Variants in RFT1 observed in about 807,000 individuals in gnomAD.
RFT1 encodes man(5)GlcNAc(2)-PP-dolichol translocation protein RFT1.
RFT1 carries 43 observed loss-of-function variants against 62.2 expected under a neutral mutation model. The observed-to-expected ratio is 0.69, with a 90% confidence interval of 0.54 to 0.89. The LOEUF is 0.89. Ranked by LOEUF, RFT1 falls within the 40% of genes least tolerant of loss-of-function variation. The probability of loss-of-function intolerance (pLI) is 0.00; values close to 1 mark genes in which losing one functional copy is unlikely to be tolerated. For missense variants in RFT1, 605 were observed against 649.9 expected (o/e 0.93, Z 0.75); for synonymous variants, 262 against 264.6 (o/e 0.99, Z 0.10).
chr3:53,109,745 G>C (rs557544845), intron 7 of RFT1, among the ~76,000 whole-genome samples: 1 of 152,214 alleles, frequency 6.6e-6, no homozygotes, highest in African/African-American at 2.4e-5. Flanking sequence ...GAGCCCGAGA[G>C]GTCAAGGCTG....
rs201430920 is a variant in RFT1 at position 53,105,739 on chromosome 3, C to T, written c.891G>A (p.Glu297=). 6.2e-7 allele frequency: 1 copy of T among 1,613,930 alleles called. No homozygotes were observed. Among genetic ancestry groups the T allele is most frequent in the East Asian group, 2.2e-5 (1 of 44,860 alleles). Residue 297 remains glutamate, a synonymous_variant, in exon 9 of 13, where the codon GAG becomes GAA. Coordinates refer to ENST00000296292, the MANE Select transcript of RFT1 (RefSeq NM_052859.4). ...LVARLIFQPI[E]ESFYIFFAKV... ...TAGCAAAAAATATATAAAAACTTTC[C>T]TCTATTGGCTGGAAAATTAATCTGG...
chr3:53,110,843 T>G (rs1181524968), intron 7 of RFT1, among the ~76,000 whole-genome samples: 1 of 152,230 alleles, frequency 6.6e-6, no homozygotes, highest in Non-Finnish European at 1.5e-5. Context: ...AACTACTACC[T>G]TCAGCAACTT....
At chr3:53,122,291 T>A in intron 4 of RFT1, 83 bp downstream of exon 4, 1 of 1,283,286 alleles carries the variant, frequency 7.8e-7, no homozygotes, top group Non-Finnish European at 1.1e-6. Flanking sequence ...AAATCATTCA[T>A]TCTCTCCTAT....
chr3:53,078,088 G>C, the RFT1 span: 1 of 152,286 alleles, frequency 6.6e-6, no homozygotes, highest in African/African-American at 2.4e-5. Context: ...GGGGCTGAGA[G>C]GCGGTGAAGT....
intron 12 of RFT1, 49 bp from the exon 13 acceptor site, chr3:53,092,119 T>C (rs1701007165): frequency 5.6e-6 from 9 of 1,608,990 alleles, no homozygotes; most frequent in Non-Finnish European, 7.6e-6. Context: ...CTATACCTCC[T>C]TCCTCTGGGA....
chr3:53,128,385 TC>T (rs1702171196), intron 1 of RFT1, among the ~76,000 whole-genome samples: 2 of 152,228 alleles, frequency 1.3e-5, no homozygotes, highest in Admixed American at 1.3e-4. Flanking sequence ...CCAGGCCATA[TC>T]CATGTCTCCT....
chr3:53,128,795 G>A (rs376898280), intron 1 of RFT1, among the ~76,000 whole-genome samples: 1 of 152,352 alleles, frequency 6.6e-6, no homozygotes, highest in Non-Finnish European at 1.5e-5. Flanking sequence ...ACAGGCATGA[G>A]CCACCGCGTC....
chr3:53,111,979 G>C (rs1701666671), intron 6 of RFT1, 71 bp from the exon 7 acceptor site: 2 of 1,197,820 alleles, frequency 1.7e-6, no homozygotes, highest in Admixed American at 3.4e-5. Context: ...TGCTACATGA[G>C]AGGCAAATGC....
rs769346875 is a variant in RFT1, at chr3:53,103,936, A to G, written c.1102+17T>C. 2 of 1,614,056 alleles carry G rather than the reference A, an allele frequency of 1.2e-6. No individual in the cohort carries two copies. Among genetic ancestry groups the G allele is most frequent in the African/African-American group, 1.3e-5 (1 of 74,936 alleles). On this transcript the variant is annotated intron_variant, in intron 10 of 12. Transcript: ENST00000296292. ...GTTGGGAAATCAGAAAAAATCCAGA[A>G]AAACTCTTGTGCGTACCGGATCCTG...
chr3:53,101,100 A>G (rs1701299277), intron 10 of RFT1, among the ~76,000 whole-genome samples: 1 of 152,178 alleles, frequency 6.6e-6, no homozygotes, highest in Non-Finnish European at 1.5e-5. Context: ...ACCCCTAAAC[A>G]GTTTTATGGC....
the RFT1 span, among the ~76,000 whole-genome samples, chr3:53,076,639 A>G: frequency 6.6e-6 from 1 of 152,172 alleles, no homozygotes; most frequent in African/African-American, 2.4e-5. Flanking sequence ...CTCATTTTCC[A>G]TAGTAGGAAA....
the RFT1 span, among the ~76,000 whole-genome samples, chr3:53,073,810 A>G: frequency 6.6e-6 from 1 of 152,182 alleles, no homozygotes; most frequent in Non-Finnish European, 1.5e-5. Context: ...GGAGCTCCCA[A>G]CAACCCTACC....
At position 53,122,558 on chromosome 3, in the gene RFT1, G is replaced by C. The variant is rs544311251; in HGVS notation, c.272C>G (p.Pro91Arg). The change falls in exon 4 of 13, where the codon CCC becomes CGC. Residue 91 changes from proline to arginine, a missense_variant. Pro to Arg is a moderately radical substitution (Grantham distance 103). Transcript: ENST00000296292. ...QTLNLLWLTV[P>R]LGVFWSLFLG... ...GAATAAGGACCAAAACACACCCAGG[G>C]GGACTCTAGAAGAGGAGAAAAAAAT... 5 of 1,604,146 alleles carry C rather than the reference G, an allele frequency of 3.1e-6. No homozygotes were observed. The South Asian group carries it at 5.6e-5, about 18-fold the overall frequency.
the RFT1 span, among the ~76,000 whole-genome samples, chr3:53,071,006 C>T: frequency 3.3e-5 from 5 of 151,998 alleles, no homozygotes; most frequent in African/African-American, 4.8e-5. Flanking sequence ...GCTGGGATTA[C>T]AGGCATGAGC....
chr3:53,099,563 C>T, intron 10 of RFT1, 77 bp from the exon 11 acceptor site: 1 of 1,106,192 alleles, frequency 9.0e-7, no homozygotes, highest in Non-Finnish European at 1.4e-6. Flanking sequence ...GCTGAGTACC[C>T]AGAGAACCAG....
At chr3:53,083,567 G>A (rs927014334), downstream of RFT1, among the ~76,000 whole-genome samples, 1 of 152,096 alleles carries the variant, frequency 6.6e-6, no homozygotes, top group African/African-American at 2.4e-5. Context: ...TGGTGCAGAT[G>A]GAAGAAGTGC....
Position 53,123,814 on chromosome 3 carries a change from A to T in RFT1, c.176T>A (p.Leu59His), listed in dbSNP as rs1245207439. 2 of 1,614,022 alleles carry T rather than the reference A, an allele frequency of 1.2e-6. No individual in the cohort carries two copies. Among genetic ancestry groups the T allele is most frequent in the Non-Finnish European group, 1.7e-6 (2 of 1,179,982 alleles). The change falls in exon 3 of 13, where the codon CTC (leucine) becomes CAC (histidine). Residue 59 changes from leucine (L) to histidine (H), a missense_variant. Physicochemically the swap from Leu to His is moderately conservative, Grantham distance 99. Transcript: ENST00000296292. Reference protein sequence around the residue: ...VRLTLLYSTTLFLAREAFRRA... With the variant: ...VRLTLLYSTTHFLAREAFRRA... ...GCGGAAGGCCTCTCTGGCCAGGAAGAGGGTGGTTGAGTAAAGCAGCGTTAG... is the reference window on the plus strand; with the variant it reads ...GCGGAAGGCCTCTCTGGCCAGGAAGTGGGTGGTTGAGTAAAGCAGCGTTAG...
chr3:53,079,740 G>C, the RFT1 span, among the ~76,000 whole-genome samples: 2 of 152,098 alleles, frequency 1.3e-5, no homozygotes, highest in African/African-American at 4.8e-5. Context: ...AGCACCCTCT[G>C]GGCATCCTAA....
intron 10 of RFT1, among the ~76,000 whole-genome samples, chr3:53,102,156 C>A (rs896637871): frequency 7.2e-5 from 11 of 152,152 alleles, no homozygotes; most frequent in Non-Finnish European, 2.9e-5. Context: ...AGCCATGTGA[C>A]CGCAGTACTG....
Sources: gnomAD v4.1 joint callset for allele counts (sites outside exome capture counted in the v4.1 genomes callset) on GRCh38, gnomAD v4.1.1 for gene constraint, MANE v1.5 for transcripts, NCBI Gene and HGNC (gene_info 2026-07-23, HGNC 2026-07-21) for gene names.